GNG12: variants seen among roughly 807,000 people sequenced by gnomAD.
The protein encoded by GNG12 is guanine nucleotide-binding protein G(I)/G(S)/G(O) subunit gamma-12.
For synonymous variants in GNG12, 28 were observed against 29.7 expected, an observed-to-expected ratio of 0.94 and a Z score of 0.19; for missense variants, 69 against 83.8, an observed-to-expected ratio of 0.82 and a Z score of 0.69.
At chr1:67,799,263 A>C (rs564427822) in intron 1 of GNG12, among the ~76,000 whole-genome samples, 1 of 152,292 alleles carries the variant, frequency 6.6e-6, no homozygotes, top group East Asian at 1.9e-4. Flanking sequence ...CATTTTTACC[A>C]AATAGTCTGA....
chr1:67,754,367 G>A (rs1053897573), intron 2 of GNG12, among the ~76,000 whole-genome samples: 3 of 152,130 alleles, frequency 2.0e-5, no homozygotes, highest in African/African-American at 7.2e-5. Context: ...CTGTCATCCA[G>A]GCAGCTGCCG....
chr1:67,773,418 A>G (rs1470647702), intron 2 of GNG12, among the ~76,000 whole-genome samples: 1 of 152,150 alleles, frequency 6.6e-6, no homozygotes, highest in Non-Finnish European at 1.5e-5. Flanking sequence ...ATAAATATTA[A>G]GGTTACTCAT....
chr1:67,819,755 C>T (rs1570574664), intron 1 of GNG12, among the ~76,000 whole-genome samples: 1 of 152,216 alleles, frequency 6.6e-6, no homozygotes, highest in Non-Finnish European at 1.5e-5. Flanking sequence ...ACCACAGGAG[C>T]CTTCTTTTTG....
chr1:67,705,405 T>G lies in GNG12; in HGVS notation c.*46A>C. On this transcript the variant is annotated 3_prime_UTR_variant, in exon 4 of 4. Coordinates refer to ENST00000370982, the MANE Select transcript of GNG12 (RefSeq NM_018841.6). ...GTAAATCTCTTCAAGGAGCTGCTCATAATTTGCGTTGTTGGGAAGAGGCGA... is the reference window on the plus strand; with the variant it reads ...GTAAATCTCTTCAAGGAGCTGCTCAGAATTTGCGTTGTTGGGAAGAGGCGA... 2 of 1,604,522 alleles carry G rather than the reference T, an allele frequency of 1.2e-6. No homozygotes were observed. Among genetic ancestry groups the G allele is most frequent in the Non-Finnish European group, 1.7e-6 (2 of 1,176,176 alleles).
chr1:67,747,340 G>A (rs1469445117), intron 2 of GNG12, among the ~76,000 whole-genome samples: 1 of 152,054 alleles, frequency 6.6e-6, no homozygotes, highest in African/African-American at 2.4e-5. Flanking sequence ...GGCTGATCTC[G>A]AACTCCTGAC....
chr1:67,762,636 G>GTA (rs577323340), intron 2 of GNG12, among the ~76,000 whole-genome samples: 1 of 152,140 alleles, frequency 6.6e-6, no homozygotes, highest in South Asian at 2.1e-4. Context: ...AAGACGCAGA[G>GTA]TAAGATTCAC....
chr1:67,761,022 G>A (rs924102450), intron 2 of GNG12, among the ~76,000 whole-genome samples: 10 of 152,202 alleles, frequency 6.6e-5, no homozygotes, highest in Admixed American at 1.3e-4. Context: ...GGGCTCCTAT[G>A]CCTTTCTAGG....
intron 2 of GNG12, among the ~76,000 whole-genome samples, chr1:67,723,511 G>T (rs1646367831): frequency 6.6e-6 from 1 of 152,184 alleles, no homozygotes; most frequent in Non-Finnish European, 1.5e-5. Flanking sequence ...TTTTAGTGTT[G>T]TTTTCTATGT....
chr1:67,715,259 C>T (rs536554475), intron 2 of GNG12, among the ~76,000 whole-genome samples: 25 of 152,272 alleles, frequency 1.6e-4, no homozygotes, highest in Admixed American at 2.0e-4. Flanking sequence ...GCCTCAGAAG[C>T]GGCCAACCCT....
intron 2 of GNG12, among the ~76,000 whole-genome samples, chr1:67,741,612 C>T (rs1646483179): frequency 6.6e-6 from 1 of 152,184 alleles, no homozygotes; most frequent in South Asian, 2.1e-4. Context: ...ATTCCACCAT[C>T]TTTGAGTCTA....
intron 2 of GNG12, among the ~76,000 whole-genome samples, chr1:67,762,565 C>T (rs1337706857): frequency 6.6e-6 from 1 of 152,024 alleles, no homozygotes; most frequent in Non-Finnish European, 1.5e-5. Context: ...TACATATATA[C>T]CTTCTACATG....
intron 2 of GNG12, among the ~76,000 whole-genome samples, chr1:67,710,495 C>T (rs1170259865): frequency 6.6e-6 from 1 of 151,848 alleles, no homozygotes; most frequent in Non-Finnish European, 1.5e-5. Context: ...GAACAGTTCA[C>T]ACATATCAGG....
rs1646835996 is a variant in GNG12, at chr1:67,797,151, CAGAT to C, written c.-76-19648_-76-19645del. Among the ~76,000 whole-genome samples the C allele has an allele frequency of 2.0e-5, 3 of 152,280 alleles. No homozygotes were observed. The South Asian group carries it at 6.2e-4, about 32-fold the overall frequency. On this transcript the variant is annotated intron_variant, in intron 1 of 3. Transcript: ENST00000370982. ...GAGGGGACAAACATCCAAACTAAAT[CAGAT>C]AGTCAGCTTCCTACCTCAGCTAACC...
intron 2 of GNG12, among the ~76,000 whole-genome samples, chr1:67,752,789 T>G (rs975422466): frequency 1.3e-5 from 2 of 152,216 alleles, no homozygotes; most frequent in Non-Finnish European, 2.9e-5. Context: ...TCTCTATACT[T>G]CTTAGCTAAT....
chr1:67,827,389 G>A (rs1292335099), intron 1 of GNG12, among the ~76,000 whole-genome samples: 1 of 152,014 alleles, frequency 6.6e-6, no homozygotes, highest in Non-Finnish European at 1.5e-5. Flanking sequence ...TGGCAGAACT[G>A]AAAGTATTAA....
At position 67,718,935 on chromosome 1, in the gene GNG12, T is replaced by C. The variant is rs904424571; in HGVS notation, c.-26-11223A>G. 7.2e-5 allele frequency among the ~76,000 whole-genome samples: 11 copies of C among 152,346 alleles called. No individual in the cohort carries two copies. The South Asian group carries it at 1.4e-3, about 20-fold the overall frequency. On this transcript the variant is annotated intron_variant, in intron 2 of 3. Transcript: ENST00000370982. Reference sequence around the variant, plus strand: ...TATGCCCATCAATGTCAATACATTATCCTACTGAATCCTCAAATGGCCCTG... The same window carrying C: ...TATGCCCATCAATGTCAATACATTACCCTACTGAATCCTCAAATGGCCCTG...
chr1:67,758,708 C>G (rs1646584489), intron 2 of GNG12, among the ~76,000 whole-genome samples: 1 of 152,162 alleles, frequency 6.6e-6, no homozygotes, highest in African/African-American at 2.4e-5. Flanking sequence ...AAACATGAAG[C>G]AAATAAAATC....
At chr1:67,824,552 C>A (rs1321670884) in intron 1 of GNG12, among the ~76,000 whole-genome samples, 2 of 146,210 alleles carry the variant, frequency 1.4e-5, no homozygotes, top group African/African-American at 5.0e-5. Context: ...GAAAAGAAAT[C>A]TTGTAGGGAA....
At chr1:67,761,309 C>T (rs1224553383) in intron 2 of GNG12, among the ~76,000 whole-genome samples, 1 of 152,188 alleles carries the variant, frequency 6.6e-6, no homozygotes, top group African/African-American at 2.4e-5. Flanking sequence ...CTTTAAGATA[C>T]AAATAATAAC....
Sources: allele counts gnomAD v4.1 joint callset (sites outside exome capture counted in the v4.1 genomes callset), GRCh38; gene constraint gnomAD v4.1.1; transcripts MANE v1.5; gene names NCBI Gene and HGNC (gene_info 2026-07-23, HGNC 2026-07-21).